HIVEP3: variants seen among roughly 807,000 people sequenced by gnomAD.
HIVEP3 encodes the protein transcription factor HIVEP3.
Under a neutral mutation model 152.8 loss-of-function variants are expected in HIVEP3, and 49 were observed. The ratio of observed to expected loss-of-function variants is 0.32; its 90% CI spans 0.26 to 0.41. HIVEP3 has a LOEUF of 0.41. Ranked by LOEUF, HIVEP3 falls within the 10% of genes least tolerant of loss-of-function variation. The probability of loss-of-function intolerance (pLI) is 1.00; values close to 1 mark genes in which losing one functional copy is unlikely to be tolerated. For synonymous variants in HIVEP3, 1,269 were observed against 1,289.0 expected, an observed-to-expected ratio of 0.98 and a Z score of 0.33; for missense variants, 2,790 against 3,103.3, an observed-to-expected ratio of 0.90 and a Z score of 2.40.
chr1:41,715,234 G>A (rs978700861), intron 1 of HIVEP3, among the ~76,000 whole-genome samples: 3 of 152,214 alleles, frequency 2.0e-5, no homozygotes, highest in African/African-American at 7.2e-5. Context: ...GGGACCACCA[G>A]GGAAAACAGA....
At chr1:41,529,038 C>T (rs1271269804) in intron 5 of HIVEP3, among the ~76,000 whole-genome samples, 3 of 141,984 alleles carry the variant, frequency 2.1e-5, no homozygotes, top group Non-Finnish European at 4.6e-5. Flanking sequence ...CACTCTCCCT[C>T]ACACATGCTC....
intron 1 of HIVEP3, among the ~76,000 whole-genome samples, chr1:41,991,254 G>A (rs1356984958): frequency 7.7e-6 from 1 of 130,650 alleles, no homozygotes; most frequent in Non-Finnish European, 1.8e-5. Context: ...CCGCTAGCAA[G>A]ACTAATAAAG....
At chr1:41,774,798 T>TTATTTATTTATTTATA (rs1176237995) in intron 1 of HIVEP3, among the ~76,000 whole-genome samples, 1 of 151,206 alleles carries the variant, frequency 6.6e-6, no homozygotes, top group African/African-American at 2.4e-5. Flanking sequence ...ATTTATTTAT[T>TTATTTATTTATTTATA]TATTTATTTA....
At chr1:41,833,596 C>G (rs1331433250) in intron 1 of HIVEP3, among the ~76,000 whole-genome samples, 2 of 152,166 alleles carry the variant, frequency 1.3e-5, no homozygotes, top group African/African-American at 4.8e-5. Flanking sequence ...TCTGCCCCTC[C>G]AGGATTGTAA....
intron 1 of HIVEP3, among the ~76,000 whole-genome samples, chr1:41,932,479 C>T (rs1036660157): frequency 2.0e-5 from 3 of 151,868 alleles, no homozygotes; most frequent in Admixed American, 2.0e-4. Flanking sequence ...TTGTTTGTTG[C>T]ACTACCTTAT....
chr1:41,814,125 T>C (rs1479339386), intron 1 of HIVEP3, among the ~76,000 whole-genome samples: 1 of 152,196 alleles, frequency 6.6e-6, no homozygotes, highest in Non-Finnish European at 1.5e-5. Flanking sequence ...CACTGAGTAA[T>C]GAGAGCTGAG....
chr1:41,717,855 T>C (rs143348758), intron 1 of HIVEP3, among the ~76,000 whole-genome samples: 1 of 152,314 alleles, frequency 6.6e-6, no homozygotes, highest in Non-Finnish European at 1.5e-5. Context: ...GAGTCAGTCA[T>C]TCAGTCAACA....
chr1:41,551,228 C>T (rs535826365), intron 5 of HIVEP3, among the ~76,000 whole-genome samples: 29 of 152,252 alleles, frequency 1.9e-4, no homozygotes, highest in Admixed American at 8.5e-4. Flanking sequence ...GATGAAGCCA[C>T]GTTGATCGTG....
At chr1:41,794,105 T>C (rs1649849216) in intron 1 of HIVEP3, among the ~76,000 whole-genome samples, 1 of 152,108 alleles carries the variant, frequency 6.6e-6, no homozygotes. Flanking sequence ...ACTGGGTAAT[T>C]TATAAAGGAA....
At chr1:41,619,686 T>C (rs778383099) in intron 3 of HIVEP3, among the ~76,000 whole-genome samples, 5 of 152,026 alleles carry the variant, frequency 3.3e-5, no homozygotes, top group African/African-American at 4.8e-5. Context: ...TTTGGTGGCA[T>C]ATGTAGGCTC....
intron 3 of HIVEP3, among the ~76,000 whole-genome samples, chr1:41,627,520 G>A (rs926886847): frequency 2.6e-5 from 4 of 152,136 alleles, no homozygotes; most frequent in African/African-American, 7.2e-5. Context: ...GCCTAGGGCT[G>A]GTAGGCCCAA....
At chr1:41,594,656 T>A (rs1048200967) in intron 3 of HIVEP3, among the ~76,000 whole-genome samples, 4 of 152,254 alleles carry the variant, frequency 2.6e-5, no homozygotes, top group Non-Finnish European at 5.9e-5. Flanking sequence ...AAGCTATTGA[T>A]CCTTTACATA....
chr1:41,926,884 T>C (rs888250887), intron 1 of HIVEP3, among the ~76,000 whole-genome samples: 1 of 152,160 alleles, frequency 6.6e-6, no homozygotes, highest in Non-Finnish European at 1.5e-5. Flanking sequence ...GGTCTTGGCA[T>C]ATGTATATCT....
intron 5 of HIVEP3, among the ~76,000 whole-genome samples, chr1:41,525,461 G>A (rs567849651): frequency 1.3e-5 from 2 of 152,320 alleles, no homozygotes; most frequent in African/African-American, 4.8e-5. Flanking sequence ...GAAGGGGCCA[G>A]AATCAGGCTT....
At chr1:41,654,148 T>A (rs1645595743) in intron 2 of HIVEP3, among the ~76,000 whole-genome samples, 1 of 152,068 alleles carries the variant, frequency 6.6e-6, no homozygotes, top group Non-Finnish European at 1.5e-5. Context: ...TAGCATCAAG[T>A]GAAATTGAGT....
In HIVEP3 at chr1:41,575,419, G is replaced by A. The variant is rs187301510; in HGVS notation, c.5207+125C>T. On this transcript the variant is annotated intron_variant, in intron 5 of 8. Transcript: ENST00000372583. Reference sequence around the variant, plus strand: ...AAGGTGATGTCTGCTGAAAGGCATCGCTGGGACCACAGGGCACCTGTGGGC... The same window carrying A: ...AAGGTGATGTCTGCTGAAAGGCATCACTGGGACCACAGGGCACCTGTGGGC... 3.9e-4 allele frequency: 377 copies of A among 966,534 alleles called. 4 individuals are homozygous for A. The Admixed American group carries it at 6.6e-3, about 17-fold the overall frequency. The allele number at this position is 966,534 out of a possible 1,614,324, so 59.9% of individuals were successfully genotyped here. A position where few individuals can be genotyped will look rare whatever the true frequency, so the allele number is the denominator to read the frequency against.
chr1:41,752,691 G>C (rs1474563749), intron 1 of HIVEP3, among the ~76,000 whole-genome samples: 5 of 152,250 alleles, frequency 3.3e-5, no homozygotes, highest in Non-Finnish European at 7.3e-5. Flanking sequence ...GTTTGAACAA[G>C]CCCAGGCCCT....
chr1:41,794,144 G>A (rs1452525341), intron 1 of HIVEP3, among the ~76,000 whole-genome samples: 1 of 152,182 alleles, frequency 6.6e-6, no homozygotes, highest in African/African-American at 2.4e-5. Context: ...GTTCCACATG[G>A]CTGGGGATGC....
chr1:41,544,652 T>TATCATCGCTACTACCATCACC (rs1365012777), intron 5 of HIVEP3, among the ~76,000 whole-genome samples: 4 of 100,268 alleles, frequency 4.0e-5, no homozygotes, highest in African/African-American at 1.6e-4. Flanking sequence ...CCACCACCAC[T>TATCATCGCTACTACCATCACC]ACCACCACTA....
Sources: gnomAD v4.1 joint callset for allele counts (sites outside exome capture counted in the v4.1 genomes callset) on GRCh38, gnomAD v4.1.1 for gene constraint, MANE v1.5 for transcripts, NCBI Gene and HGNC (gene_info 2026-07-23, HGNC 2026-07-21) for gene names.